The following TRMT112 variants were observed in gnomAD, a reference collection of about 807,000 sequenced individuals.
The protein encoded by TRMT112 is tRNA methyltransferase activator subunit 11-2, also known as multifunctional methyltransferase subunit TRM112-like protein.
In TRMT112, 9 loss-of-function variants were observed where a neutral mutation model predicts 13.8. The ratio of observed to expected loss-of-function variants is 0.65; its 90% CI spans 0.39 to 1.14. The LOEUF is 1.14. Among genes scored for constraint, TRMT112 ranks in the 50% most tolerant of loss-of-function variants. The pLI is 0.01. For missense variants in TRMT112, 196 were observed against 165.5 expected (o/e 1.18, Z -1.01); for synonymous variants, 64 against 67.0 (o/e 0.96, Z 0.22).
chr11:64,318,201 G>A (rs1217449575), upstream of TRMT112: 1 of 1,610,972 alleles, frequency 6.2e-7, no homozygotes, highest in Admixed American at 1.7e-5. Context: ...GAGTGGAAGT[G>A]GCCGTGGGGC....
upstream of TRMT112, chr11:64,318,466 T>C (rs7941847): frequency 0.99 from 1,495,110 of 1,505,060 alleles, 743,130 homozygotes; most frequent in East Asian, 1. Flanking sequence ...AGAGTATCGC[T>C]TTATTTCCTG....
upstream of TRMT112, chr11:64,317,910 A>T: frequency 7.4e-7 from 1 of 1,355,818 alleles, no homozygotes; most frequent in Non-Finnish European, 9.5e-7. Context: ...GTTAAGGGGC[A>T]GAAATACCGC....
rs566781863 is a variant in TRMT112 at position 64,317,419 on chromosome 11, C to G, written c.78+30G>C. ...CTGGACCCCGGCCCACCATCCCGCCCGAAAAGGGAAGACTGCCGCCGGCGG... is the reference window on the plus strand; with the variant it reads ...CTGGACCCCGGCCCACCATCCCGCCGGAAAAGGGAAGACTGCCGCCGGCGG... On this transcript the variant is annotated intron_variant, in intron 1 of 3. Transcript: ENST00000544844. The G allele has an allele frequency of 3.7e-6, 6 of 1,613,716 alleles. No individual in the cohort carries two copies. In the East Asian group the frequency reaches 1.1e-4, roughly 30 times the overall value.
In TRMT112 at chr11:64,317,061, C is replaced by T; in HGVS notation, c.267G>A (p.Leu89=). The T allele has an allele frequency of 6.2e-7, 1 of 1,614,226 alleles. No individual in the cohort carries two copies. Residue 89 remains leucine, a synonymous_variant, in exon 3 of 4, where the codon CTG becomes CTA. Transcript: ENST00000544844. Reference sequence around the variant, plus strand: ...CAAGTGATGGGCCGCTTCTCACCTCCAGCAGCAGGTGGTGCATGGTCCTCA... The same window carrying T: ...CAAGTGATGGGCCGCTTCTCACCTCTAGCAGCAGGTGGTGCATGGTCCTCA... The part of the protein sequence containing the change: ...EFLRTMHHLL[L]EVEVIEGTLQ...
At chr11:64,317,936 G>A, upstream of TRMT112, 4 of 1,378,444 alleles carry the variant, frequency 2.9e-6, no homozygotes, top group Non-Finnish European at 3.7e-6. Context: ...CTGTAAATTA[G>A]GCCCATGGAA....
At chr11:64,317,795 A>T (rs1446721520), upstream of TRMT112, 1 of 776,056 alleles carries the variant, frequency 1.3e-6, no homozygotes, top group Non-Finnish European at 1.9e-6. Flanking sequence ...GATGCAAATC[A>T]TATGCAAAAT....
At position 64,317,328 on chromosome 11, in the gene TRMT112, G is replaced by T; in HGVS notation, c.116C>A (p.Pro39His). 6.2e-7 allele frequency: 1 copy of T among 1,614,144 alleles called. No individual in the cohort carries two copies. Among genetic ancestry groups the T allele is most frequent in the East Asian group, 2.2e-5 (1 of 44,876 alleles). Residue 39 changes from proline to histidine, a missense_variant, in exon 2 of 4, where the codon CCC becomes CAC. By Grantham distance (77) the Pro-to-His change is moderately conservative. Transcript: ENST00000544844. ...EVRICPVEFN[P>H]NFVARMIPKV... ...AGGTATCATACGCGCCACGAAGTTG[G>T]GGTTGAATTCCACAGGGCAGATACG...
At chr11:64,318,209 G>A (rs201329476), upstream of TRMT112, 1 of 1,611,322 alleles carries the variant, frequency 6.2e-7, no homozygotes, top group Non-Finnish European at 8.5e-7. Context: ...GTGGCCGTGG[G>A]GCGGGTATGG....
Position 64,316,752 on chromosome 11 carries a change from T to C in TRMT112, c.*109A>G, listed in dbSNP as rs1482776041. ...AATACCGAGCTCAAAAACACTGTGT[T>C]TGGTGTCATTGGGTCAAGGGTTGGG... On this transcript the variant is annotated 3_prime_UTR_variant, in exon 4 of 4. Coordinates refer to ENST00000544844, the MANE Select transcript of TRMT112 (RefSeq NM_016404.3). 3 of 745,028 alleles carry C rather than the reference T, an allele frequency of 4.0e-6. No individual in the cohort carries two copies. Among genetic ancestry groups the C allele is most frequent in the Non-Finnish European group, 7.2e-6 (3 of 417,978 alleles). The allele number at this position is 745,028 out of a possible 1,614,324, so 46.2% of individuals were successfully genotyped here.
upstream of TRMT112, chr11:64,318,349 G>A: frequency 6.2e-7 from 1 of 1,611,822 alleles, no homozygotes; most frequent in African/African-American, 1.3e-5. Context: ...GGGGTCCGCA[G>A]TTTCAGCAGA....
At chr11:64,318,338 C>T (rs546358756), upstream of TRMT112, 19 of 1,611,990 alleles carry the variant, frequency 1.2e-5, no homozygotes, top group Middle Eastern at 1.8e-4. Context: ...GGGCGTCTGG[C>T]GGGGTCCGCA....
upstream of TRMT112, chr11:64,317,690 A>G (rs2035341640): frequency 1.2e-5 from 10 of 826,806 alleles, no homozygotes; most frequent in Non-Finnish European, 1.8e-5. Context: ...AGGTAGGTGA[A>G]AGACCTGTCG....
rs779914397 is a variant in TRMT112, at chr11:64,317,555, A to C, written c.-29T>G. On this transcript the variant is annotated 5_prime_UTR_variant, in exon 1 of 4. Transcript: ENST00000544844. ...GCCGCACAAACTCTCGCCAGGCCGG[A>C]ACCGGAAAAAGGTCGTCCTCCGCTG... 2 of 1,518,038 alleles carry C rather than the reference A, an allele frequency of 1.3e-6. No individual in the cohort carries two copies. Among genetic ancestry groups the C allele is most frequent in the Non-Finnish European group, 8.9e-7 (1 of 1,124,130 alleles). The allele number at this position is 1,518,038 out of a possible 1,614,324, so 94.0% of individuals were successfully genotyped here.
Position 64,316,988 on chromosome 11 carries a change from G to C in TRMT112, c.271-20C>G. The C allele has an allele frequency of 6.2e-7, 1 of 1,612,878 alleles. No homozygotes were observed. Among genetic ancestry groups the C allele is most frequent in the Non-Finnish European group, 8.5e-7 (1 of 1,178,822 alleles). On this transcript the variant is annotated intron_variant, in intron 3 of 3. Transcript: ENST00000544844. ...TTCCACCTGCGGGCAGGGAGGGACA[G>C]AGCTGAGCACTGGCAGCCTCAGTGC...
At position 64,317,157 on chromosome 11, in the gene TRMT112, A is replaced by T; in HGVS notation, c.181-10T>A. The T allele has an allele frequency of 6.2e-7, 1 of 1,614,076 alleles. No homozygotes were observed. On this transcript the variant is annotated splice_polypyrimidine_tract_variant and intron_variant, in intron 2 of 3. Transcript: ENST00000544844. ...CCTGGATCAGACGCAACTGTGGGCA[A>T]GAGGCCAAAATTATCTCCGGGCATC...
upstream of TRMT112, chr11:64,318,143 T>G (rs962476920): frequency 1.3e-6 from 2 of 1,588,060 alleles, no homozygotes; most frequent in Admixed American, 1.8e-5. Context: ...GTCGCCGCTG[T>G]GCCGCTAGCG....
rs1253533713 is a variant in TRMT112, at chr11:64,316,689, G to A, written c.*172C>T. 4.9e-6 allele frequency: 3 copies of A among 610,316 alleles called. No homozygotes were observed. Among genetic ancestry groups the A allele is most frequent in the Admixed American group, 3.0e-5 (1 of 33,466 alleles). 37.8% of individuals were successfully genotyped at this position (610,316 alleles called of 1,614,324 possible). A position where few individuals can be genotyped will look rare whatever the true frequency, so the allele number is the denominator to read the frequency against. On this transcript the variant is annotated 3_prime_UTR_variant, in exon 4 of 4. Coordinates refer to ENST00000544844, the MANE Select transcript of TRMT112 (RefSeq NM_016404.3). Reference sequence around the variant, plus strand: ...TGTATATTTGCTGCAAAGAGAAACCGCTTTTGGTTTTAAACCTTTAATGAG... The same window carrying A: ...TGTATATTTGCTGCAAAGAGAAACCACTTTTGGTTTTAAACCTTTAATGAG...
upstream of TRMT112, chr11:64,317,813 A>G (rs981832997): frequency 1.2e-5 from 10 of 806,736 alleles, no homozygotes; most frequent in Admixed American, 1.8e-4. Context: ...AATAGCTGCA[A>G]TGCAGGAGCT....
chr11:64,318,070 G>C (rs1458145755), upstream of TRMT112: 3 of 1,447,854 alleles, frequency 2.1e-6, no homozygotes, highest in Admixed American at 2.8e-5. Flanking sequence ...CGGAAGCTCT[G>C]TTCTGCGGGT....
Sources: gnomAD v4.1 joint callset for allele counts on GRCh38, gnomAD v4.1.1 for gene constraint, MANE v1.5 for transcripts, NCBI Gene and HGNC (gene_info 2026-07-23, HGNC 2026-07-21) for gene names.